SIMC1: variants seen among roughly 807,000 people sequenced by gnomAD.
SIMC1 encodes the protein SUMO interacting motifs containing 1.
Under a neutral mutation model 82.3 loss-of-function variants are expected in SIMC1, and 55 were observed. That is an observed-to-expected ratio of 0.67 (90% CI 0.54 to 0.84). The LOEUF is 0.84. SIMC1 is among the 40% of genes least tolerant of loss of function. SIMC1 has a pLI of 0.00. For synonymous variants in SIMC1, 353 were observed against 426.3 expected (o/e 0.83, Z 2.12); for missense variants, 915 against 1,107.2 (o/e 0.83, Z 2.46).
intron 9 of SIMC1, among the ~76,000 whole-genome samples, chr5:176,337,687 A>G (rs1210326653): frequency 2.0e-5 from 3 of 152,240 alleles, no homozygotes; most frequent in Non-Finnish European, 2.9e-5. Flanking sequence ...CTGTCACTGC[A>G]GCATCTTTGC....
intron 1 of SIMC1, among the ~76,000 whole-genome samples, chr5:176,246,253 A>T (rs1761436308): frequency 6.6e-6 from 1 of 151,944 alleles, no homozygotes; most frequent in Non-Finnish European, 1.5e-5. Flanking sequence ...CTTGTGATCC[A>T]CCCACCTCGA....
intron 1 of SIMC1, among the ~76,000 whole-genome samples, chr5:176,252,447 C>G (rs1761703956): frequency 1.3e-5 from 2 of 151,420 alleles, no homozygotes; most frequent in South Asian, 4.2e-4. Context: ...AGAGACGCTC[C>G]TCACCTCCCA....
intron 6 of SIMC1, among the ~76,000 whole-genome samples, chr5:176,323,309 A>G (rs775104179): frequency 1.6e-4 from 24 of 152,234 alleles, no homozygotes; most frequent in Non-Finnish European, 2.8e-4. Context: ...AGGGAGGTGG[A>G]CACTGTTCCT....
chr5:176,270,054 G>T (rs1396267894), intron 1 of SIMC1, among the ~76,000 whole-genome samples: 1 of 151,470 alleles, frequency 6.6e-6, no homozygotes, highest in Admixed American at 6.6e-5. Context: ...ACTGTGCCCA[G>T]GATAAATATG....
chr5:176,283,021 A>G (rs573994126), intron 1 of SIMC1, among the ~76,000 whole-genome samples: 1 of 152,234 alleles, frequency 6.6e-6, no homozygotes, highest in Non-Finnish European at 1.5e-5. Flanking sequence ...ATATGGGACT[A>G]TGTGAAAAGA....
intron 1 of SIMC1, among the ~76,000 whole-genome samples, chr5:176,287,638 AAAAAGTT>A (rs1763351423): frequency 9.3e-6 from 1 of 107,736 alleles, no homozygotes; most frequent in Admixed American, 9.0e-5. Flanking sequence ...ATAATTTTTT[AAAAAGTT>A]AAAAATAAAT....
At position 176,322,390 on chromosome 5, in the gene SIMC1, T is replaced by C; in HGVS notation, c.2007T>C (p.Ser669=). Residue 669 remains serine (S), a synonymous_variant, in exon 6 of 10, where the codon TCT becomes TCC. Transcript: ENST00000429602. ...TGAAAGCCAGCAGTAGCCACCCTTC[T>C]TCCCAGCCCAACCTGACAAAGAACA... The part of the protein sequence containing the change: ...GILKASSSHP[S]SQPNLTKNTN... 1.9e-6 allele frequency: 3 copies of C among 1,609,460 alleles called. No homozygotes were observed. Among genetic ancestry groups the C allele is most frequent in the Non-Finnish European group, 8.5e-7 (1 of 1,178,040 alleles).
intron 1 of SIMC1, among the ~76,000 whole-genome samples, chr5:176,246,549 C>T (rs1031718853): frequency 4.7e-5 from 7 of 150,216 alleles, no homozygotes; most frequent in Non-Finnish European, 1.0e-4. Flanking sequence ...AGTGATTCTC[C>T]CACTCAGCCT....
chr5:176,249,853 A>AAC (rs941804184), intron 1 of SIMC1, among the ~76,000 whole-genome samples: 1 of 151,076 alleles, frequency 6.6e-6, no homozygotes, highest in Admixed American at 6.6e-5. Context: ...CAAAAAAAAA[A>AAC]AAAAAAAAAA....
intron 4 of SIMC1, among the ~76,000 whole-genome samples, chr5:176,306,389 A>G (rs375753356): frequency 0.021 from 1,866 of 87,312 alleles, 244 homozygotes; most frequent in Non-Finnish European, 0.038. Flanking sequence ...CCTCTGCCCG[A>G]CCACCACCCC....
chr5:176,336,930 C>A (rs1765925663), intron 8 of SIMC1, 54 bp downstream of exon 8: 1 of 1,606,108 alleles, frequency 6.2e-7, no homozygotes, highest in East Asian at 2.2e-5. Flanking sequence ...TTGCTCTAGG[C>A]CCGAACCCTT....
intron 4 of SIMC1, among the ~76,000 whole-genome samples, chr5:176,297,502 CAAAAA>C (rs896827211): frequency 2.2e-4 from 8 of 35,932 alleles, no homozygotes; most frequent in South Asian, 2.5e-3. Flanking sequence ...AACTCTGTCT[CAAAAA>C]AAAAAAAAAA....
intron 9 of SIMC1, among the ~76,000 whole-genome samples, chr5:176,343,484 A>T (rs879371420): frequency 6.6e-6 from 1 of 152,240 alleles, no homozygotes; most frequent in African/African-American, 2.4e-5. Flanking sequence ...AGATACCTTT[A>T]TAACTTTTTG....
At chr5:176,282,379 C>T (rs1340922256) in intron 1 of SIMC1, among the ~76,000 whole-genome samples, 1 of 152,274 alleles carries the variant, frequency 6.6e-6, no homozygotes, top group Non-Finnish European at 1.5e-5. Flanking sequence ...ACCCCTTGCG[C>T]TTCCGGAGTG....
intron 5 of SIMC1, among the ~76,000 whole-genome samples, chr5:176,314,945 T>C (rs1308406510): frequency 6.6e-6 from 1 of 152,220 alleles, no homozygotes; most frequent in Non-Finnish European, 1.5e-5. Context: ...TTTGCCCAAC[T>C]GTAAGCTGTC....
intron 1 of SIMC1, among the ~76,000 whole-genome samples, chr5:176,255,614 C>T (rs1581221202): frequency 7.3e-6 from 1 of 137,246 alleles, no homozygotes; most frequent in South Asian, 2.3e-4. Flanking sequence ...AAAGAGCTAA[C>T]TTGACTTTAA....
chr5:176,243,442 A>T (rs1016858298), intron 1 of SIMC1, among the ~76,000 whole-genome samples: 2 of 152,290 alleles, frequency 1.3e-5, no homozygotes, highest in African/African-American at 4.8e-5. Flanking sequence ...GGAGACCACA[A>T]TAAGGGATTT....
chr5:176,303,186 T>C (rs950521975), intron 4 of SIMC1, among the ~76,000 whole-genome samples: 5 of 151,394 alleles, frequency 3.3e-5, no homozygotes. Context: ...GAGAATTGCT[T>C]GAACTCGGGA....
Position 176,275,067 on chromosome 5 carries a change from A to G in SIMC1, c.130-14587A>G, listed in dbSNP as rs1009379017. Reference sequence around the variant, plus strand: ...ATTGAATCTATAAATTACCTTGGGCAGTATGGCCATTTTCATGATATTGAT... The same window carrying G: ...ATTGAATCTATAAATTACCTTGGGCGGTATGGCCATTTTCATGATATTGAT... On this transcript the variant is annotated intron_variant, in intron 1 of 9. Transcript: ENST00000429602. 7.3e-5 allele frequency among the ~76,000 whole-genome samples: 11 copies of G among 151,684 alleles called. 1 individual carries two copies. Among genetic ancestry groups the G allele is most frequent in the African/African-American group, 2.7e-4 (11 of 41,372 alleles).
Sources: gnomAD v4.1 joint callset for allele counts (sites outside exome capture counted in the v4.1 genomes callset) on GRCh38, gnomAD v4.1.1 for gene constraint, MANE v1.5 for transcripts, NCBI Gene and HGNC (gene_info 2026-07-23, HGNC 2026-07-21) for gene names.